AKT3: variants seen among roughly 807,000 people sequenced by gnomAD.
AKT3 encodes AKT serine/threonine kinase 3.
A neutral mutation model predicts 65.3 loss-of-function variants in AKT3; 15 were observed. The observed-to-expected ratio is 0.23, with a 90% CI of 0.15 to 0.35. AKT3 has a LOEUF of 0.35. AKT3 is among the 10% of genes least tolerant of loss of function. AKT3 has a pLI of 1.00. For missense variants in AKT3, 243 were observed against 576.5 expected, an observed-to-expected ratio of 0.42 and a Z score of 5.92; for synonymous variants, 206 against 183.8, an observed-to-expected ratio of 1.12 and a Z score of -0.98.
chr1:243,733,135 G>T (rs995195892), intron 2 of AKT3, among the ~76,000 whole-genome samples: 3 of 152,114 alleles, frequency 2.0e-5, no homozygotes, highest in Non-Finnish European at 1.5e-5. Context: ...ACCAGTTCAG[G>T]ACTTTTACTG....
At chr1:243,743,593 CCTT>C (rs1394486302) in intron 2 of AKT3, among the ~76,000 whole-genome samples, 1 of 152,060 alleles carries the variant, frequency 6.6e-6, no homozygotes, top group Admixed American at 6.6e-5. Context: ...TTACAACAGC[CCTT>C]CTTAACATAG....
At chr1:243,698,903 G>C (rs1685233410) in intron 2 of AKT3, among the ~76,000 whole-genome samples, 1 of 146,274 alleles carries the variant, frequency 6.8e-6, no homozygotes. Context: ...ATTTGTTACA[G>C]AGGCTGGACC....
intron 3 of AKT3, among the ~76,000 whole-genome samples, chr1:243,673,249 A>G (rs1296501993): frequency 6.6e-6 from 1 of 152,352 alleles, no homozygotes; most frequent in East Asian, 1.9e-4. Flanking sequence ...ATCCATGCTT[A>G]ATACAGAAAA....
intron 8 of AKT3, among the ~76,000 whole-genome samples, chr1:243,604,259 T>G (rs1034745995): frequency 1.3e-5 from 2 of 152,200 alleles, no homozygotes; most frequent in African/African-American, 4.8e-5. Context: ...CCAAGTATTT[T>G]CCTTGCTTCC....
intron 2 of AKT3, among the ~76,000 whole-genome samples, chr1:243,835,671 T>C (rs756713147): frequency 2.0e-5 from 3 of 152,102 alleles, no homozygotes; most frequent in Non-Finnish European, 2.9e-5. Flanking sequence ...CAAACAATTG[T>C]AATATAAAAG....
intron 4 of AKT3, among the ~76,000 whole-genome samples, chr1:243,654,463 G>T (rs1681613831): frequency 1.3e-5 from 2 of 152,094 alleles, no homozygotes; most frequent in African/African-American, 4.8e-5. Context: ...AGGTGTGCTA[G>T]TGACAAATCT....
chr1:243,683,563 G>A (rs1442873138), intron 3 of AKT3, among the ~76,000 whole-genome samples: 3 of 152,062 alleles, frequency 2.0e-5, no homozygotes, highest in Non-Finnish European at 2.9e-5. Flanking sequence ...AAATAATTGA[G>A]TGATACTAAT....
intron 4 of AKT3, among the ~76,000 whole-genome samples, chr1:243,659,535 C>G (rs1182227226): frequency 6.6e-6 from 1 of 151,838 alleles, no homozygotes; most frequent in African/African-American, 2.4e-5. Flanking sequence ...CTAATTAAGG[C>G]CATGTGGTGT....
intron 12 of AKT3, among the ~76,000 whole-genome samples, chr1:243,544,598 C>T (rs1672532598): frequency 6.6e-6 from 1 of 151,794 alleles, no homozygotes; most frequent in Admixed American, 6.6e-5. Context: ...TCCAGCCTGG[C>T]CAACAGAGAC....
intron 4 of AKT3, among the ~76,000 whole-genome samples, chr1:243,652,072 G>A (rs143427123): frequency 0.029 from 4,380 of 149,034 alleles, 79 homozygotes; most frequent in South Asian, 0.058. Context: ...TTTCTGAGAC[G>A]GAGTCTCACT....
At chr1:243,620,801 C>T (rs1403445701) in intron 6 of AKT3, among the ~76,000 whole-genome samples, 3 of 152,084 alleles carry the variant, frequency 2.0e-5, no homozygotes, top group Non-Finnish European at 4.4e-5. Flanking sequence ...GTTCTTGATG[C>T]TCCAGTTCCA....
downstream of AKT3, among the ~76,000 whole-genome samples, chr1:243,496,303 G>A (rs552362906): frequency 1.0e-3 from 155 of 152,294 alleles, no homozygotes; most frequent in Non-Finnish European, 1.8e-3. Context: ...AACAGCTGCC[G>A]AGCCCTGGCC....
intron 2 of AKT3, among the ~76,000 whole-genome samples, chr1:243,788,328 G>T (rs994021417): frequency 6.6e-6 from 1 of 152,202 alleles, no homozygotes; most frequent in East Asian, 1.9e-4. Context: ...AAGCTATTCC[G>T]AAATACCAAT....
intron 6 of AKT3, among the ~76,000 whole-genome samples, chr1:243,630,892 C>A (rs2147789387): frequency 6.6e-6 from 1 of 151,966 alleles, no homozygotes; most frequent in East Asian, 1.9e-4. Flanking sequence ...ATGGTCAGAC[C>A]TGTAATGAAG....
intron 12 of AKT3, among the ~76,000 whole-genome samples, chr1:243,542,357 T>G (rs763280887): frequency 2.6e-5 from 4 of 152,214 alleles, no homozygotes; most frequent in African/African-American, 4.8e-5. Context: ...TGTTCTTTCA[T>G]GTTTTGATAC....
At chr1:243,605,806 G>C (rs1343826159) in intron 8 of AKT3, among the ~76,000 whole-genome samples, 2 of 152,176 alleles carry the variant, frequency 1.3e-5, no homozygotes, top group Non-Finnish European at 2.9e-5. Flanking sequence ...GATATGGTTT[G>C]GCTGTGTTCC....
At chr1:243,844,475 T>C (rs951673026) in intron 1 of AKT3, among the ~76,000 whole-genome samples, 1 of 152,228 alleles carries the variant, frequency 6.6e-6, no homozygotes, top group Non-Finnish European at 1.5e-5. Flanking sequence ...CTATTTACAG[T>C]ATCCAAAAAA....
chr1:243,767,943 T>TA lies in AKT3; in HGVS notation c.47-72228dup, dbSNP rs200248446. 7.4e-3 allele frequency among the ~76,000 whole-genome samples: 1,123 copies of TA among 151,964 alleles called. 14 individuals are homozygous for TA. The highest frequency in any genetic ancestry group is 0.026 in the African/African-American group (1,066 of 41,488). On this transcript the variant is annotated intron_variant, in intron 2 of 13. Transcript: ENST00000673466. ...AAACTGTCAAAAGTAATGAAAACGG[T>TA]AAAATTTCCATAGGATCAAAGCTTA...
intron 3 of AKT3, among the ~76,000 whole-genome samples, chr1:243,693,346 T>G (rs1392294338): frequency 7.0e-6 from 1 of 142,642 alleles, no homozygotes; most frequent in Non-Finnish European, 1.5e-5. Context: ...TTTTTAAAAA[T>G]GTACTAAAGG....
Sources: allele counts gnomAD v4.1 joint callset (sites outside exome capture counted in the v4.1 genomes callset), GRCh38; gene constraint gnomAD v4.1.1; transcripts MANE v1.5; gene names NCBI Gene and HGNC (gene_info 2026-07-23, HGNC 2026-07-21).